Variants in LHFPL3 observed in about 807,000 individuals in gnomAD.
LHFPL3 encodes LHFPL tetraspan subfamily member 3 protein.
A neutral mutation model predicts 19.3 loss-of-function variants in LHFPL3; 5 were observed. The observed-to-expected ratio is 0.26, with a 90% CI of 0.14 to 0.54. The LOEUF (loss-of-function observed/expected upper bound fraction) is 0.54. Among genes scored for constraint, LHFPL3 ranks in the 20% least tolerant of loss-of-function variants. The pLI, the probability that LHFPL3 is intolerant of heterozygous loss-of-function variation, is 0.94. For synonymous variants in LHFPL3, 133 were observed against 126.2 expected, an observed-to-expected ratio of 1.05 and a Z score of -0.36; for missense variants, 249 against 307.4, an observed-to-expected ratio of 0.81 and a Z score of 1.42.
chr7:104,638,320 A>T (rs1033837450), intron 1 of LHFPL3, among the ~76,000 whole-genome samples: 1 of 152,164 alleles, frequency 6.6e-6, no homozygotes, highest in Non-Finnish European at 1.5e-5. Context: ...ATATGGAATC[A>T]TGCCTTGTGC....
chr7:104,430,409 T>C (rs1260581415), intron 1 of LHFPL3, among the ~76,000 whole-genome samples: 2 of 38,836 alleles, frequency 5.1e-5, no homozygotes, highest in Middle Eastern at 8.9e-3. Flanking sequence ...TATATACATA[T>C]ATATATATAC....
intron 1 of LHFPL3, among the ~76,000 whole-genome samples, chr7:104,575,416 A>T (rs1200090674): frequency 1.3e-5 from 2 of 152,156 alleles, no homozygotes; most frequent in African/African-American, 4.8e-5. Context: ...AATATAACAG[A>T]AATTGAGTAT....
intron 2 of LHFPL3, among the ~76,000 whole-genome samples, chr7:104,807,463 A>C (rs1790385225): frequency 6.6e-6 from 1 of 152,210 alleles, no homozygotes; most frequent in East Asian, 1.9e-4. Flanking sequence ...GTACTTTGTT[A>C]CAGCAGCCCT....
At chr7:104,618,267 C>T (rs981238478) in intron 1 of LHFPL3, among the ~76,000 whole-genome samples, 1 of 152,174 alleles carries the variant, frequency 6.6e-6, no homozygotes, top group South Asian at 2.1e-4. Context: ...ATAATTTCAT[C>T]AATGCTTTAA....
intron 1 of LHFPL3, among the ~76,000 whole-genome samples, chr7:104,568,422 G>C (rs148216387): frequency 8.5e-5 from 13 of 152,312 alleles, no homozygotes; most frequent in African/African-American, 3.1e-4. Context: ...TATGTACTCA[G>C]TATTTGCAGA....
chr7:104,692,924 A>G (rs1318671822), intron 1 of LHFPL3, among the ~76,000 whole-genome samples: 1 of 152,122 alleles, frequency 6.6e-6, no homozygotes, highest in Non-Finnish European at 1.5e-5. Context: ...GACAACTAGC[A>G]CCATGCAACT....
At position 104,495,619 on chromosome 7, in the gene LHFPL3, A is replaced by G. The variant is rs373475644; in HGVS notation, c.445+166395A>G. ...AGGATGGTCTCCATCTCCTGACCTC[A>G]TGATCTGCCCGCCTTGGCCTCCCAA... On this transcript the variant is annotated intron_variant, in intron 1 of 2. Coordinates refer to ENST00000424859, the MANE Select transcript of LHFPL3 (RefSeq NM_199000.3). Among the ~76,000 whole-genome samples, 82 of 152,210 alleles carry G rather than the reference A, an allele frequency of 5.4e-4. 1 individual carries two copies. Among genetic ancestry groups the G allele is most frequent in the African/African-American group, 9.9e-4 (41 of 41,542 alleles).
chr7:104,670,351 T>G (rs1212253970), intron 1 of LHFPL3, among the ~76,000 whole-genome samples: 5 of 152,196 alleles, frequency 3.3e-5, no homozygotes, highest in African/African-American at 1.2e-4. Flanking sequence ...CCGGAAGCAC[T>G]TGGGGGTCGT....
At chr7:104,529,714 G>A (rs1005060935) in intron 1 of LHFPL3, among the ~76,000 whole-genome samples, 10 of 152,142 alleles carry the variant, frequency 6.6e-5, no homozygotes, top group African/African-American at 2.4e-4. Flanking sequence ...GGGGTGTCAG[G>A]AACCGGGCTG....
intron 1 of LHFPL3, among the ~76,000 whole-genome samples, chr7:104,466,128 C>T (rs1283324303): frequency 1.3e-5 from 2 of 152,176 alleles, no homozygotes; most frequent in Non-Finnish European, 2.9e-5. Context: ...TGTTAATTTT[C>T]TCCCTCAATG....
chr7:104,766,406 T>C (rs1347834791), intron 2 of LHFPL3, among the ~76,000 whole-genome samples: 3 of 152,194 alleles, frequency 2.0e-5, no homozygotes, highest in Non-Finnish European at 4.4e-5. Context: ...TTCACTTGGA[T>C]TGTTTCTCAT....
At chr7:104,595,607 G>C (rs1337203818) in intron 1 of LHFPL3, among the ~76,000 whole-genome samples, 1 of 152,250 alleles carries the variant, frequency 6.6e-6, no homozygotes, top group Non-Finnish European at 1.5e-5. Context: ...CTGTCAGACA[G>C]GGATGTTTAA....
At chr7:104,771,069 C>T (rs1319109651) in intron 2 of LHFPL3, among the ~76,000 whole-genome samples, 3 of 152,138 alleles carry the variant, frequency 2.0e-5, no homozygotes, top group Non-Finnish European at 4.4e-5. Flanking sequence ...GCAGCTCTCT[C>T]AACACCTCTG....
chr7:104,807,187 G>A (rs1450456655), intron 2 of LHFPL3, among the ~76,000 whole-genome samples: 3 of 152,048 alleles, frequency 2.0e-5, no homozygotes, highest in Non-Finnish European at 4.4e-5. Flanking sequence ...TAACAGTCTA[G>A]GGGGAAATTT....
At chr7:104,855,399 G>A (rs755476760) in intron 2 of LHFPL3, among the ~76,000 whole-genome samples, 1 of 152,148 alleles carries the variant, frequency 6.6e-6, no homozygotes, top group Non-Finnish European at 1.5e-5. Flanking sequence ...TGGACTTGGA[G>A]TGTGACTGCA....
intron 2 of LHFPL3, among the ~76,000 whole-genome samples, chr7:104,857,021 TTGTGC>T (rs1481731249): frequency 6.6e-6 from 1 of 152,248 alleles, no homozygotes; most frequent in Non-Finnish European, 1.5e-5. Context: ...ATTTTTGTGA[TTGTGC>T]TGTATGCCAG....
chr7:104,468,002 T>C (rs989466220), intron 1 of LHFPL3, among the ~76,000 whole-genome samples: 13 of 152,248 alleles, frequency 8.5e-5, no homozygotes, highest in African/African-American at 2.9e-4. Flanking sequence ...AAGAGGTATC[T>C]GTCTGTTCAG....
intron 1 of LHFPL3, among the ~76,000 whole-genome samples, chr7:104,396,988 G>A (rs1212857223): frequency 6.6e-6 from 1 of 151,914 alleles, no homozygotes; most frequent in Non-Finnish European, 1.5e-5. Context: ...AGAAAAGCTC[G>A]CAGAGATTTC....
intron 2 of LHFPL3, among the ~76,000 whole-genome samples, chr7:104,901,903 G>A (rs911821064): frequency 3.9e-5 from 6 of 152,016 alleles, no homozygotes; most frequent in African/African-American, 1.4e-4. Context: ...CCTCACACTT[G>A]CATGACCCTG....
Sources: gnomAD v4.1 joint callset for allele counts (sites outside exome capture counted in the v4.1 genomes callset) on GRCh38, gnomAD v4.1.1 for gene constraint, MANE v1.5 for transcripts, NCBI Gene and HGNC (gene_info 2026-07-23, HGNC 2026-07-21) for gene names.